The following HECTD4 variants were observed in gnomAD, a reference collection of about 807,000 sequenced individuals.
HECTD4 encodes probable E3 ubiquitin-protein ligase HECTD4.
In HECTD4, 114 loss-of-function variants were observed where a neutral mutation model predicts 471.5. The ratio of observed to expected loss-of-function variants is 0.24; its 90% CI spans 0.21 to 0.28. The LOEUF (loss-of-function observed/expected upper bound fraction) is 0.28, where lower values mean the gene tolerates loss of function less well. Among genes scored for constraint, HECTD4 ranks in the 10% least tolerant of loss-of-function variants. HECTD4 has a pLI of 1.00. For synonymous variants in HECTD4, 2,012 were observed against 2,256.0 expected (o/e 0.89, Z 3.07); for missense variants, 3,866 against 5,651.5 (o/e 0.68, Z 10.13).
Position 112,302,464 on chromosome 12 carries a change from G to T in HECTD4, c.1335+3600C>A, listed in dbSNP as rs181361438. ...GAGGCACTTTCAGCTGCTTATAGAGGATGGCTCTCTGCTGCTGCAACCTGA... is the reference window on the plus strand; with the variant it reads ...GAGGCACTTTCAGCTGCTTATAGAGTATGGCTCTCTGCTGCTGCAACCTGA... On this transcript the variant is annotated intron_variant, in intron 7 of 75. Coordinates refer to ENST00000682272, the MANE Select transcript of HECTD4 (RefSeq NM_001388303.1). The T allele has an allele frequency of 2.8e-3, 2,089 of 750,028 alleles. 19 individuals are homozygous for T. The highest frequency in any genetic ancestry group is 0.021 in the Middle Eastern group (56 of 2,698). The allele number at this position is 750,028 out of a possible 1,614,324, so 46.5% of individuals were successfully genotyped here. A position where few individuals can be genotyped will look rare whatever the true frequency, so the allele number is the denominator to read the frequency against.
chr12:112,258,564 A>C lies in HECTD4; in HGVS notation c.3060T>G (p.Val1020=). 6.2e-7 allele frequency: 1 copy of C among 1,606,588 alleles called. No homozygotes were observed. The highest frequency in any genetic ancestry group is 8.5e-7 in the Non-Finnish European group (1 of 1,177,156). Residue 1020 remains valine, a synonymous_variant, in exon 20 of 76, where the codon GTT becomes GTG. Coordinates refer to ENST00000682272, the MANE Select transcript of HECTD4 (RefSeq NM_001388303.1). ...TALLLKTQCP[V]FAEVGCSPCG... ...ACGGGGAACAGCCCACCTCAGCAAAAACCGGACACTGGGTTTTAAGCAGCA... is the reference window on the plus strand; with the variant it reads ...ACGGGGAACAGCCCACCTCAGCAAACACCGGACACTGGGTTTTAAGCAGCA...
intron 17 of HECTD4, chr12:112,262,045 T>C (rs1393579723): frequency 6.6e-6 from 1 of 152,148 alleles, no homozygotes; most frequent in East Asian, 1.9e-4. Context: ...GTACAAATAC[T>C]AAATAATGTG....
rs773508801 is a variant in HECTD4, at chr12:112,183,100, C to G, written c.10946G>C (p.Ser3649Thr). 5 of 1,613,668 alleles carry G rather than the reference C, an allele frequency of 3.1e-6. No homozygotes were observed. The highest frequency in any genetic ancestry group is 4.2e-6 in the Non-Finnish European group (5 of 1,179,648). Residue 3649 changes from serine (S) to threonine (T), a missense_variant, in exon 62 of 76, where the codon AGC (serine) becomes ACC (threonine). Transcript: ENST00000682272. ...ATTGAAATAATCTTCTAACCCTGGGCTCCCTTGAGTATCAAAGAGACTCTG... is the reference window on the plus strand; with the variant it reads ...ATTGAAATAATCTTCTAACCCTGGGGTCCCTTGAGTATCAAAGAGACTCTG... ...VNQSLFDTQG[S>T]PGLEDYFNDK...
chr12:112,216,369 T>C lies in HECTD4; in HGVS notation c.7388A>G (p.Asn2463Ser). The change falls in exon 48 of 76, where the codon AAC becomes AGC. Residue 2463 changes from asparagine to serine, a missense_variant and splice_region_variant. Asn to Ser is a conservative substitution (Grantham distance 46, BLOSUM62 1). This residue lies in a region of HECTD4 where 617 missense variants were observed against 915.1 expected (regional missense o/e 0.67). Coordinates refer to ENST00000682272, the MANE Select transcript of HECTD4 (RefSeq NM_001388303.1). ...GCCATTATAGTGCACGGCTCGGCCG[T>C]TGCTATGAAAAATACAAAGAAGGGA... ...NPVGTCLFHN[N>S]GRAVHYNGSS... is the part of the protein sequence containing the mutation. The C allele has an allele frequency of 6.5e-7, 1 of 1,549,928 alleles. No homozygotes were observed. Among genetic ancestry groups the C allele is most frequent in the Non-Finnish European group, 8.7e-7 (1 of 1,145,078 alleles).
chr12:112,254,199 A>G, intron 21 of HECTD4, 37 bp from the exon 22 acceptor site: 3 of 1,599,442 alleles, frequency 1.9e-6, no homozygotes, highest in Non-Finnish European at 2.6e-6. Context: ...ACTGTAAAAG[A>G]AAAACAAAAA....
chr12:112,254,082 A>C lies in HECTD4; in HGVS notation c.3408T>G (p.Arg1136=), dbSNP rs1593979817. ...YGGNTLGYGS[R]SVLGTGWPKD... ...TCGGCCAACCAGTTCCTAAGACACT[A>C]CGGCTGCCATATCCCAGTGTGTTGC... Residue 1136 remains arginine (R), a synonymous_variant, in exon 22 of 76, where the codon CGT becomes CGG. Transcript: ENST00000682272. 6.2e-7 allele frequency: 1 copy of C among 1,613,996 alleles called. No individual in the cohort carries two copies. Among genetic ancestry groups the C allele is most frequent in the South Asian group, 1.1e-5 (1 of 91,084 alleles).
intron 1 of HECTD4, among the ~76,000 whole-genome samples, chr12:112,372,280 G>A (rs1170798247): frequency 6.6e-6 from 1 of 151,314 alleles, no homozygotes; most frequent in Non-Finnish European, 1.5e-5. Flanking sequence ...ATTTTTTTAA[G>A]ATGGAGTCTC....
intron 72 of HECTD4, among the ~76,000 whole-genome samples, chr12:112,165,356 T>C (rs1194442723): frequency 6.7e-6 from 1 of 149,694 alleles, no homozygotes; most frequent in Admixed American, 6.6e-5. Context: ...CTAATTTTTT[T>C]TTTTTTTTTT....
At chr12:112,165,391 G>A (rs1370753196) in intron 72 of HECTD4, among the ~76,000 whole-genome samples, 3 of 131,670 alleles carry the variant, frequency 2.3e-5, no homozygotes, top group South Asian at 2.4e-4. Flanking sequence ...TTGCTCTGTC[G>A]CCCAGGCTGG....
intron 1 of HECTD4, among the ~76,000 whole-genome samples, chr12:112,364,419 A>G (rs550315321): frequency 6.6e-6 from 1 of 151,810 alleles, no homozygotes; most frequent in Non-Finnish European, 1.5e-5. Flanking sequence ...AAAAAAAAAA[A>G]AAAATAAATA....
At chr12:112,287,193 C>T (rs1262300937) in intron 7 of HECTD4, among the ~76,000 whole-genome samples, 1 of 152,190 alleles carries the variant, frequency 6.6e-6, no homozygotes, top group East Asian at 1.9e-4. Flanking sequence ...CTCACATTAT[C>T]CTGTTTAATT....
chr12:112,324,768 T>G (rs953312997), intron 1 of HECTD4, among the ~76,000 whole-genome samples: 2 of 152,166 alleles, frequency 1.3e-5, no homozygotes, highest in Non-Finnish European at 2.9e-5. Context: ...TATGAAAAAC[T>G]GCAAAATTTT....
At chr12:112,335,684 T>C (rs1025332388) in intron 1 of HECTD4, among the ~76,000 whole-genome samples, 2 of 152,004 alleles carry the variant, frequency 1.3e-5, no homozygotes, top group African/African-American at 4.8e-5. Flanking sequence ...TGAGACTCTG[T>C]CTCAAAAACA....
intron 29 of HECTD4, 89 bp downstream of exon 29, chr12:112,246,812 T>C: frequency 1.6e-6 from 2 of 1,219,744 alleles, no homozygotes; most frequent in Non-Finnish European, 2.2e-6. Flanking sequence ...GAGTGAATTT[T>C]TCAAAATATA....
At chr12:112,304,769 G>T (rs1322362304) in intron 7 of HECTD4, among the ~76,000 whole-genome samples, 1 of 152,024 alleles carries the variant, frequency 6.6e-6, no homozygotes, top group African/African-American at 2.4e-5. Flanking sequence ...GGGACATTTT[G>T]TAAGATAATG....
At chr12:112,379,015 CT>C (rs2036838369) in intron 1 of HECTD4, among the ~76,000 whole-genome samples, 1 of 151,742 alleles carries the variant, frequency 6.6e-6, no homozygotes. Context: ...GCACTCCAGC[CT>C]GGGCGACAGA....
intron 24 of HECTD4, 39 bp from the exon 25 acceptor site, chr12:112,250,416 A>C: frequency 2.8e-6 from 4 of 1,412,902 alleles, no homozygotes; most frequent in Non-Finnish European, 4.0e-6. Context: ...TTCCTCTCTC[A>C]ACAAGAGTAT....
intron 7 of HECTD4, among the ~76,000 whole-genome samples, chr12:112,286,001 C>A (rs1324749406): frequency 6.6e-6 from 1 of 151,986 alleles, no homozygotes; most frequent in African/African-American, 2.4e-5. Flanking sequence ...CCCAATCTGG[C>A]CCTATGAGAA....
chr12:112,179,063 A>G lies in HECTD4; in HGVS notation c.11231T>C (p.Val3744Ala). ...GCTCTTGTCAAACTTGGGCTTTGGC[A>G]CGCCATACTTCCTCAGGATCTGTGG... ...QLTQILRKYG[V>A]PKPKFDKSKY... Residue 3744 changes from valine to alanine, a missense_variant, in exon 64 of 76, where the codon GTG (valine) becomes GCG (alanine). Val to Ala is a moderately conservative substitution (Grantham distance 64). Coordinates refer to ENST00000682272, the MANE Select transcript of HECTD4 (RefSeq NM_001388303.1). This position sits in a 1 kb window ranked among gnomAD's most constrained non-coding sequence, Gnocchi z 4.3. The G allele has an allele frequency of 3.1e-6, 5 of 1,613,896 alleles. No individual in the cohort carries two copies. The highest frequency in any genetic ancestry group is 4.2e-6 in the Non-Finnish European group (5 of 1,179,878).
Sources: allele counts gnomAD v4.1 joint callset (sites outside exome capture counted in the v4.1 genomes callset), GRCh38; gene constraint gnomAD v4.1.1; regional missense constraint gnomAD v4.1.1; non-coding constraint Gnocchi (gnomAD v3.1); transcripts MANE v1.5; gene names NCBI Gene and HGNC (gene_info 2026-07-23, HGNC 2026-07-21).